Variants in HIPK3 observed in about 807,000 individuals in gnomAD.
HIPK3 encodes the protein homeodomain-interacting protein kinase 3.
A neutral mutation model predicts 124.2 loss-of-function variants in HIPK3; 47 were observed. That is an observed-to-expected ratio of 0.38 (90% CI 0.30 to 0.48). The LOEUF is 0.48. Among genes scored for constraint, HIPK3 ranks in the 20% least tolerant of loss-of-function variants. The pLI is 0.98. For synonymous variants in HIPK3, 482 were observed against 515.2 expected, an observed-to-expected ratio of 0.94 and a Z score of 0.87; for missense variants, 1,286 against 1,454.3, an observed-to-expected ratio of 0.88 and a Z score of 1.88.
chr11:33,329,781 C>T (rs16924151), intron 3 of HIPK3, among the ~76,000 whole-genome samples: 2 of 152,322 alleles, frequency 1.3e-5, no homozygotes, highest in African/African-American at 2.4e-5. Context: ...GCAAGACTAC[C>T]GTCAGTTCTG....
intron 2 of HIPK3, among the ~76,000 whole-genome samples, chr11:33,326,683 T>C (rs991886646): frequency 1.2e-4 from 18 of 151,128 alleles, no homozygotes; most frequent in Admixed American, 8.5e-4. Context: ...TTTTTTTTTT[T>C]TCCCCCGAGA....
intron 1 of HIPK3, among the ~76,000 whole-genome samples, chr11:33,268,272 A>G (rs907422339): frequency 3.9e-5 from 6 of 152,132 alleles, no homozygotes; most frequent in African/African-American, 1.4e-4. Flanking sequence ...ATTTGGCAAC[A>G]TTTTGATATT....
chr11:33,320,264 G>T (rs999656423), intron 2 of HIPK3, among the ~76,000 whole-genome samples: 8 of 152,224 alleles, frequency 5.3e-5, no homozygotes, highest in Admixed American at 4.6e-4. Flanking sequence ...GTATTAAATG[G>T]ATCACTCAAG....
chr11:33,338,677 T>G (rs1853235926), intron 4 of HIPK3, 80 bp from the exon 5 acceptor site: 1 of 757,132 alleles, frequency 1.3e-6, no homozygotes, highest in Non-Finnish European at 2.1e-6. Flanking sequence ...TTAGAATATT[T>G]AATATATTAG....
intron 3 of HIPK3, among the ~76,000 whole-genome samples, chr11:33,333,203 CTG>C (rs2133975046): frequency 6.6e-6 from 1 of 152,228 alleles, no homozygotes; most frequent in African/African-American, 2.4e-5. Context: ...TATAATATGA[CTG>C]GGATTTGTGA....
chr11:33,326,706 CTG>C (rs1852822028), intron 2 of HIPK3, among the ~76,000 whole-genome samples: 1 of 151,352 alleles, frequency 6.6e-6, no homozygotes, highest in Admixed American at 6.6e-5. Context: ...GAGCCTGGCT[CTG>C]TCCCTCAGGC....
intron 2 of HIPK3, among the ~76,000 whole-genome samples, chr11:33,301,151 C>T (rs1177910682): frequency 6.6e-6 from 1 of 152,076 alleles, no homozygotes; most frequent in Non-Finnish European, 1.5e-5. Flanking sequence ...TCTCATTAGC[C>T]ACAATATGTT....
chr11:33,267,373 A>C (rs374365197), intron 1 of HIPK3, among the ~76,000 whole-genome samples: 3 of 152,232 alleles, frequency 2.0e-5, no homozygotes, highest in African/African-American at 7.2e-5. Flanking sequence ...TTTGCCTCCC[A>C]AAGTGTTGGG....
At chr11:33,309,751 G>A (rs1260585532) in intron 2 of HIPK3, among the ~76,000 whole-genome samples, 1 of 152,108 alleles carries the variant, frequency 6.6e-6, no homozygotes, top group East Asian at 1.9e-4. Context: ...TTTATCTTAT[G>A]AGGCAATTCA....
intron 3 of HIPK3, among the ~76,000 whole-genome samples, chr11:33,334,138 C>A (rs933971692): frequency 7.9e-5 from 12 of 152,120 alleles, no homozygotes; most frequent in African/African-American, 2.9e-4. Context: ...GTGGATAAAA[C>A]AGACTGTTAT....
intron 1 of HIPK3, among the ~76,000 whole-genome samples, chr11:33,262,864 C>A (rs975145331): frequency 6.6e-6 from 1 of 151,776 alleles, no homozygotes; most frequent in African/African-American, 2.4e-5. Flanking sequence ...ATGGCCTGGG[C>A]TGGAGTATAG....
chr11:33,259,112 C>CT (rs577458730), intron 1 of HIPK3, among the ~76,000 whole-genome samples: 214 of 152,204 alleles, frequency 1.4e-3, no homozygotes, highest in African/African-American at 4.9e-3. Context: ...TAGGTATTTG[C>CT]TTTTAGCTGT....
At chr11:33,342,652 G>A (rs1263162734) in intron 8 of HIPK3, among the ~76,000 whole-genome samples, 1 of 151,470 alleles carries the variant, frequency 6.6e-6, no homozygotes, top group African/African-American at 2.4e-5. Context: ...CCGGGTTCAA[G>A]CAATTCTGCC....
intron 1 of HIPK3, among the ~76,000 whole-genome samples, chr11:33,269,779 G>A (rs1403183687): frequency 6.6e-6 from 1 of 151,640 alleles, no homozygotes; most frequent in East Asian, 1.9e-4. Context: ...TATAGTTTAT[G>A]TATTCCTTCA....
In HIPK3 at chr11:33,257,428, G is replaced by A. The variant is rs912033058; in HGVS notation, c.-464G>A. The A allele has an allele frequency of 7.6e-5, 75 of 985,124 alleles. No individual in the cohort carries two copies. Among genetic ancestry groups the A allele is most frequent in the Non-Finnish European group, 8.7e-5 (72 of 829,864 alleles). 61.0% of individuals were successfully genotyped at this position (985,124 alleles called of 1,614,324 possible). A position where few individuals can be genotyped will look rare whatever the true frequency, so the allele number is the denominator to read the frequency against. ...ACTGCCGGCATCGCGGCGACCTGAG[G>A]AGATCAAGCCGCAGGCCCCGCCGTC... On this transcript the variant is annotated 5_prime_UTR_variant, in exon 1 of 17. Coordinates refer to ENST00000303296, the MANE Select transcript of HIPK3 (RefSeq NM_005734.5).
intron 1 of HIPK3, among the ~76,000 whole-genome samples, chr11:33,271,075 G>A (rs1382864201): frequency 6.6e-6 from 1 of 152,004 alleles, no homozygotes; most frequent in Non-Finnish European, 1.5e-5. Context: ...CCAATTCCTA[G>A]CAGTATGATT....
At chr11:33,285,049 G>T (rs1851511425) in intron 1 of HIPK3, among the ~76,000 whole-genome samples, 1 of 152,088 alleles carries the variant, frequency 6.6e-6, no homozygotes, top group East Asian at 1.9e-4. Context: ...AGGTCATAGG[G>T]GAGAATATTA....
chr11:33,328,735 TTTTAACA>T (rs1353106285), intron 3 of HIPK3, 102 bp downstream of exon 3: 1 of 1,010,756 alleles, frequency 9.9e-7, no homozygotes, highest in East Asian at 2.6e-5. Flanking sequence ...TGGAAAGTCT[TTTTAACA>T]TAAAGTGGCA....
chr11:33,321,132 G>A (rs1367779808), intron 2 of HIPK3, among the ~76,000 whole-genome samples: 1 of 152,188 alleles, frequency 6.6e-6, no homozygotes, highest in Non-Finnish European at 1.5e-5. Context: ...AGAACGAAGA[G>A]TTCTGGTGCC....
Sources: allele counts gnomAD v4.1 joint callset (sites outside exome capture counted in the v4.1 genomes callset), GRCh38; gene constraint gnomAD v4.1.1; transcripts MANE v1.5; gene names NCBI Gene and HGNC (gene_info 2026-07-23, HGNC 2026-07-21).